The following GREB1L variants were observed in gnomAD, a reference collection of about 807,000 sequenced individuals.
GREB1L encodes GREB1-like protein.
In GREB1L, 17 loss-of-function variants were observed where a neutral mutation model predicts 200.8. That is an observed-to-expected ratio of 0.08 (90% CI 0.06 to 0.13). GREB1L has a LOEUF of 0.13. Ranked by LOEUF, GREB1L falls within the 10% of genes least tolerant of loss-of-function variation. GREB1L has a pLI of 1.00. For synonymous variants in GREB1L, 789 were observed against 893.0 expected (o/e 0.88, Z 2.08); for missense variants, 1,657 against 2,367.7 (o/e 0.70, Z 6.23).
chr18:21,448,644 T>G (rs2034362616), intron 11 of GREB1L, among the ~76,000 whole-genome samples: 1 of 152,194 alleles, frequency 6.6e-6, no homozygotes, highest in African/African-American at 2.4e-5. Context: ...GTTTCAAATA[T>G]TGGGTTCACA....
rs372986329 is a variant in GREB1L at position 21,281,802 on chromosome 18, A to G, written c.-120+39409A>G. On this transcript the variant is annotated intron_variant, in intron 1 of 32. Transcript: ENST00000424526. ...GACATCTTCAAACTGGATTGTGGTA[A>G]TGGTTGCATAACTCTACAAATTTGT... is the stretch of plus-strand genomic sequence containing the variant. Among the ~76,000 whole-genome samples, 8 of 152,308 alleles carry G rather than the reference A, an allele frequency of 5.3e-5. No individual in the cohort carries two copies. The Middle Eastern group carries it at 0.01, about 194-fold the overall frequency.
intron 27 of GREB1L, among the ~76,000 whole-genome samples, chr18:21,509,831 G>T (rs1207370259): frequency 6.6e-6 from 1 of 151,602 alleles, no homozygotes; most frequent in African/African-American, 2.4e-5. Context: ...CAATAATTTG[G>T]GGAGAATGAA....
chr18:21,408,743 G>A (rs539595369), intron 7 of GREB1L, among the ~76,000 whole-genome samples: 2 of 147,506 alleles, frequency 1.4e-5, no homozygotes, highest in East Asian at 2.0e-4. Flanking sequence ...GCAGTGAGCC[G>A]AGATTGCACC....
At chr18:21,330,625 G>C (rs140799096) in intron 1 of GREB1L, among the ~76,000 whole-genome samples, 1 of 152,254 alleles carries the variant, frequency 6.6e-6, no homozygotes, top group East Asian at 1.9e-4. Context: ...GAAGTGGCAA[G>C]TACTCACAGG....
At chr18:21,291,584 G>A (rs1270678362) in intron 1 of GREB1L, among the ~76,000 whole-genome samples, 1 of 152,186 alleles carries the variant, frequency 6.6e-6, no homozygotes, top group African/African-American at 2.4e-5. Context: ...AAAAGAGGGA[G>A]GAAGTGAAGA....
Position 21,440,968 on chromosome 18 carries a change from C to T in GREB1L, c.1070-432C>T, listed in dbSNP as rs549770689. Among the ~76,000 whole-genome samples, 11 of 152,310 alleles carry T rather than the reference C, an allele frequency of 7.2e-5. 1 individual carries two copies. The South Asian group carries it at 2.3e-3, about 32-fold the overall frequency. On this transcript the variant is annotated intron_variant, in intron 9 of 32. Coordinates refer to ENST00000424526, the MANE Select transcript of GREB1L (RefSeq NM_001142966.3). ...AAAGACTACATAGACATCTTATATA[C>T]ACAAATAATTATGCCAGTCTGTCAC...
chr18:21,430,458 A>C (rs1464926658), intron 7 of GREB1L, among the ~76,000 whole-genome samples: 2 of 148,616 alleles, frequency 1.3e-5, no homozygotes, highest in South Asian at 2.1e-4. Flanking sequence ...TTACTTTATT[A>C]ATTTCTGTTG....
At chr18:21,379,967 TAC>T in intron 2 of GREB1L, among the ~76,000 whole-genome samples, 1 of 152,370 alleles carries the variant, frequency 6.6e-6, no homozygotes, top group Non-Finnish European at 1.5e-5. Flanking sequence ...GTATTTTATA[TAC>T]ATATGCAACT....
Position 21,508,377 on chromosome 18 carries a change from C to T in GREB1L, c.4531-10C>T. On this transcript the variant is annotated splice_polypyrimidine_tract_variant and intron_variant, in intron 26 of 32. Transcript: ENST00000424526. ...TTCCCTTTATGGTCTGTTTTTTTCC[C>T]TTTCAGCAGAATTTGAATGCAGTCA... The T allele has an allele frequency of 6.4e-7, 1 of 1,550,754 alleles. No individual in the cohort carries two copies. Among genetic ancestry groups the T allele is most frequent in the Non-Finnish European group, 8.7e-7 (1 of 1,146,648 alleles).
At chr18:21,420,144 G>C (rs987497545) in intron 7 of GREB1L, among the ~76,000 whole-genome samples, 1 of 152,056 alleles carries the variant, frequency 6.6e-6, no homozygotes, top group South Asian at 2.1e-4. Context: ...AGGCCGAGGC[G>C]GGCAGATCAT....
chr18:21,488,221 G>A (rs575994667), intron 18 of GREB1L, among the ~76,000 whole-genome samples: 3 of 152,132 alleles, frequency 2.0e-5, no homozygotes, highest in South Asian at 2.1e-4. Context: ...GCTTGAACCC[G>A]GGAAGCGAAG....
intron 1 of GREB1L, among the ~76,000 whole-genome samples, chr18:21,361,894 G>A (rs2039585732): frequency 6.6e-6 from 1 of 151,970 alleles, no homozygotes; most frequent in Admixed American, 6.6e-5. Flanking sequence ...TCTCTTTCTT[G>A]TTATTAATGC....
chr18:21,247,840 T>A lies in GREB1L; in HGVS notation c.-120+5447T>A, dbSNP rs553703977. On this transcript the variant is annotated intron_variant, in intron 1 of 32. Transcript: ENST00000424526. ...CCTCATCTTGATGTAGAGTTGCACT[T>A]AGAGCTTGAGGTTACATGCAGATTC... 7.9e-4 allele frequency among the ~76,000 whole-genome samples: 120 copies of A among 152,318 alleles called. No homozygotes were observed. The South Asian group carries it at 0.01, about 13-fold the overall frequency.
chr18:21,451,292 T>C, intron 13 of GREB1L, 141 bp downstream of exon 13: 1 of 911,528 alleles, frequency 1.1e-6, no homozygotes, highest in Non-Finnish European at 1.6e-6. Flanking sequence ...CCTAAGTATT[T>C]TGTCACTAAC....
intron 2 of GREB1L, among the ~76,000 whole-genome samples, chr18:21,375,226 G>A (rs1282903405): frequency 1.3e-5 from 2 of 151,574 alleles, no homozygotes; most frequent in African/African-American, 2.4e-5. Context: ...CACCACGCCC[G>A]GCTAATTTTT....
chr18:21,467,385 C>T (rs1409701118), intron 15 of GREB1L, among the ~76,000 whole-genome samples: 3 of 152,148 alleles, frequency 2.0e-5, no homozygotes, highest in Admixed American at 6.5e-5. Flanking sequence ...GGACCTGTTA[C>T]AACTCAATAA....
At chr18:21,344,287 G>C (rs2143073288) in intron 1 of GREB1L, among the ~76,000 whole-genome samples, 1 of 152,294 alleles carries the variant, frequency 6.6e-6, no homozygotes, top group Middle Eastern at 3.4e-3. Context: ...TGTAGTCCCA[G>C]CTATTCGTGA....
At chr18:21,306,091 C>CTA (rs2038695338) in intron 1 of GREB1L, among the ~76,000 whole-genome samples, 7 of 152,132 alleles carry the variant, frequency 4.6e-5, no homozygotes, top group Admixed American at 1.3e-4. Flanking sequence ...GATTTAGGTA[C>CTA]CTGTTTATTG....
chr18:21,253,828 CT>C (rs34861643), intron 1 of GREB1L, among the ~76,000 whole-genome samples: 451 of 115,806 alleles, frequency 3.9e-3, no homozygotes, highest in Middle Eastern at 0.015. Flanking sequence ...GACTTCCAGG[CT>C]TTTTTTTTTT....
Sources: allele counts gnomAD v4.1 joint callset (sites outside exome capture counted in the v4.1 genomes callset), GRCh38; gene constraint gnomAD v4.1.1; transcripts MANE v1.5; gene names NCBI Gene and HGNC (gene_info 2026-07-23, HGNC 2026-07-21).